GINS1: variants seen among roughly 807,000 people sequenced by gnomAD.
GINS1 encodes DNA replication complex GINS protein PSF1.
A neutral mutation model predicts 34.9 loss-of-function variants in GINS1; 26 were observed. The ratio of observed to expected loss-of-function variants is 0.74; its 90% confidence interval spans 0.55 to 1.03. GINS1 has a LOEUF of 1.03. Ranked by LOEUF, GINS1 falls within the 50% of genes least tolerant of loss-of-function variation. The probability of loss-of-function intolerance (pLI) is 0.00; values close to 1 mark genes in which losing one functional copy is unlikely to be tolerated. For synonymous variants in GINS1, 97 were observed against 84.4 expected, an observed-to-expected ratio of 1.15 and a Z score of -0.82; for missense variants, 235 against 237.9, an observed-to-expected ratio of 0.99 and a Z score of 0.08.
intron 1 of GINS1, 96 bp from the exon 2 acceptor site, chr20:25,413,694 G>T (rs562133563): frequency 1.3e-6 from 1 of 770,296 alleles, no homozygotes; most frequent in East Asian, 2.5e-5. Flanking sequence ...TTTTGCTAAA[G>T]TATATAAATG....
chr20:25,427,285 C>T (rs1309676055), intron 5 of GINS1, among the ~76,000 whole-genome samples: 1 of 152,142 alleles, frequency 6.6e-6, no homozygotes, highest in Non-Finnish European at 1.5e-5. Flanking sequence ...GCAACCTCCA[C>T]CTCCCAGGTT....
At chr20:25,439,420 C>G (rs1276379389) in intron 5 of GINS1, among the ~76,000 whole-genome samples, 2 of 152,146 alleles carry the variant, frequency 1.3e-5, no homozygotes, top group Admixed American at 6.6e-5. Context: ...CGTCTGTAAT[C>G]CCAACACTTT....
rs74173677 is a variant in GINS1 at position 25,445,439 on chromosome 20, C to T, written c.523-484C>T. ...TCGGCTCACTGCAAGCTCTGCCTCC[C>T]GGGTTCACGCCATTCTCCTGCCTCA... On this transcript the variant is annotated intron_variant, in intron 6 of 6. Coordinates refer to ENST00000262460, the MANE Select transcript of GINS1 (RefSeq NM_021067.5). 1.2e-3 allele frequency among the ~76,000 whole-genome samples: 180 copies of T among 152,090 alleles called. 1 individual carries two copies. The highest frequency in any genetic ancestry group is 4.1e-3 in the African/African-American group (172 of 41,472).
chr20:25,422,430 A>C (rs534601959), intron 4 of GINS1, among the ~76,000 whole-genome samples: 4 of 151,826 alleles, frequency 2.6e-5, no homozygotes, highest in East Asian at 1.9e-4. Context: ...AAAAAAAAAA[A>C]CAAAAAAAAA....
At chr20:25,418,375 T>G (rs775208569) in intron 4 of GINS1, among the ~76,000 whole-genome samples, 180 bp downstream of exon 4, 1 of 152,198 alleles carries the variant, frequency 6.6e-6, no homozygotes. Context: ...TTCTAAATCA[T>G]ATGTGGAAAA....
intron 4 of GINS1, among the ~76,000 whole-genome samples, chr20:25,422,019 A>T (rs2090358543): frequency 6.6e-6 from 1 of 152,192 alleles, no homozygotes; most frequent in East Asian, 1.9e-4. Context: ...CCACCTTGGC[A>T]TACATACCTT....
chr20:25,418,635 A>G (rs1425374803), intron 4 of GINS1, among the ~76,000 whole-genome samples: 4 of 152,212 alleles, frequency 2.6e-5, no homozygotes, highest in Admixed American at 1.3e-4. Flanking sequence ...TGAGCAAGTC[A>G]CTTGACCTGT....
At chr20:25,425,816 T>G (rs2090387601) in intron 5 of GINS1, among the ~76,000 whole-genome samples, 1 of 152,204 alleles carries the variant, frequency 6.6e-6, no homozygotes. Flanking sequence ...ATTTTGTTTA[T>G]TTTTTCTATT....
rs953033076 is a variant in GINS1 at position 25,446,934 on chromosome 20, C to T, written c.*943C>T. The stretch of plus-strand genomic sequence containing the variant: ...TTGCATCCGAGAAATCTTTTCCCAT[C>T]CCAAGATCACAATTTTTTTTCCTTT... On this transcript the variant is annotated 3_prime_UTR_variant, in exon 7 of 7. Coordinates refer to ENST00000262460, the MANE Select transcript of GINS1 (RefSeq NM_021067.5). The T allele has an allele frequency of 1.3e-5, 2 of 151,622 alleles. No homozygotes were observed. The highest frequency in any genetic ancestry group is 1.3e-4 in the Admixed American group (2 of 15,234). The allele number at this position is 151,622 out of a possible 1,614,324, so 9.4% of individuals were successfully genotyped here.
intron 4 of GINS1, among the ~76,000 whole-genome samples, chr20:25,421,650 T>C (rs2090356089): frequency 1.3e-5 from 2 of 152,234 alleles, no homozygotes; most frequent in Admixed American, 6.5e-5. Flanking sequence ...TGAAAATAGG[T>C]ATTTTTTTCT....
At chr20:25,413,582 C>T in intron 1 of GINS1, 1 of 549,088 alleles carries the variant, frequency 1.8e-6, no homozygotes, top group Non-Finnish European at 3.2e-6. Context: ...CAGGGCTATA[C>T]CGTTTTACAT....
At chr20:25,437,022 C>A (rs1184618929) in intron 5 of GINS1, among the ~76,000 whole-genome samples, 1 of 152,152 alleles carries the variant, frequency 6.6e-6, no homozygotes. Flanking sequence ...TAGAATCAAC[C>A]TGAGGTATAA....
intron 6 of GINS1, chr20:25,443,217 C>T (rs2090492480): frequency 6.6e-6 from 1 of 152,064 alleles, no homozygotes; most frequent in South Asian, 2.1e-4. Context: ...GCTTCTAAAA[C>T]AAAGGTTGAA....
intron 5 of GINS1, among the ~76,000 whole-genome samples, chr20:25,436,466 A>G (rs1005992925): frequency 6.6e-6 from 1 of 152,038 alleles, no homozygotes; most frequent in Non-Finnish European, 1.5e-5. Flanking sequence ...GGTGCCCTTC[A>G]GGTCTCTCAG....
At chr20:25,422,827 A>G (rs2090364548) in intron 4 of GINS1, among the ~76,000 whole-genome samples, 1 of 152,104 alleles carries the variant, frequency 6.6e-6, no homozygotes, top group Admixed American at 6.5e-5. Context: ...CCCAGGCTGG[A>G]GTGCTGTGGC....
chr20:25,432,464 G>A (rs1046782640), intron 5 of GINS1, among the ~76,000 whole-genome samples: 3 of 151,572 alleles, frequency 2.0e-5, no homozygotes, highest in Non-Finnish European at 2.9e-5. Flanking sequence ...CACCACGCCC[G>A]GCTAATTTTC....
chr20:25,409,450 A>T (rs115918765), intron 1 of GINS1, among the ~76,000 whole-genome samples: 4 of 152,272 alleles, frequency 2.6e-5, no homozygotes, highest in Admixed American at 6.5e-5. Flanking sequence ...ACTTGTAGCT[A>T]TTAGAGCAGG....
At chr20:25,412,289 C>T (rs944766797) in intron 1 of GINS1, among the ~76,000 whole-genome samples, 2 of 152,014 alleles carry the variant, frequency 1.3e-5, no homozygotes, top group Admixed American at 6.6e-5. Context: ...CCCAGTGGCT[C>T]ATCCCTGTAA....
intron 2 of GINS1, among the ~76,000 whole-genome samples, chr20:25,416,521 A>T (rs2500419): frequency 0.027 from 4,122 of 152,314 alleles, 181 homozygotes; most frequent in African/African-American, 0.09. Flanking sequence ...GTAGATTCTT[A>T]TTCATTCAAA....
Sources: allele counts gnomAD v4.1 joint callset (sites outside exome capture counted in the v4.1 genomes callset), GRCh38; gene constraint gnomAD v4.1.1; transcripts MANE v1.5; gene names NCBI Gene and HGNC (gene_info 2026-07-23, HGNC 2026-07-21).